GGCX: variants seen among roughly 807,000 people sequenced by gnomAD.
GGCX encodes the protein gamma-glutamyl carboxylase.
A neutral mutation model predicts 88.5 loss-of-function variants in GGCX; 63 were observed. That is an observed-to-expected ratio of 0.71 (90% CI 0.58 to 0.88). GGCX has a LOEUF of 0.88. Among genes scored for constraint, GGCX ranks in the 40% least tolerant of loss-of-function variants. The pLI is 0.00. For synonymous variants in GGCX, 368 were observed against 365.8 expected (o/e 1.01, Z -0.07); for missense variants, 805 against 932.9 (o/e 0.86, Z 1.79).
At chr2:85,555,310 G>C in intron 6 of GGCX, 174 bp downstream of exon 6, 1 of 592,038 alleles carries the variant, frequency 1.7e-6, no homozygotes, top group Non-Finnish European at 3.1e-6. Flanking sequence ...GAGCAGCTAG[G>C]GCTCAATCTT....
intron 2 of GGCX, among the ~76,000 whole-genome samples, chr2:85,559,815 C>T (rs1205321476): frequency 2.0e-5 from 3 of 152,102 alleles, no homozygotes; most frequent in Non-Finnish European, 4.4e-5. Context: ...TCGTCAACAC[C>T]CTGGGAATAA....
chr2:85,555,847 G>A (rs1236723920), intron 5 of GGCX, among the ~76,000 whole-genome samples: 1 of 152,096 alleles, frequency 6.6e-6, no homozygotes, highest in Non-Finnish European at 1.5e-5. Flanking sequence ...TCAGAAATTC[G>A]CCTCATCCAA....
At chr2:85,554,410 G>A in intron 6 of GGCX, 104 bp from the exon 7 acceptor site, 1 of 961,666 alleles carries the variant, frequency 1.0e-6, no homozygotes, top group Non-Finnish European at 1.7e-6. Flanking sequence ...CTGGGTAGAT[G>A]CCTAAGGTAC....
rs1254143779 is a variant in GGCX, at chr2:85,549,147, T to C, written c.*787A>G. On this transcript the variant is annotated 3_prime_UTR_variant, in exon 15 of 15. Coordinates refer to ENST00000233838, the MANE Select transcript of GGCX (RefSeq NM_000821.7). The stretch of plus-strand genomic sequence containing the variant: ...TCAGATTATCAGTGATTCTGAAAAT[T>C]ACAAGTGGCAGGGTGCAGGACCTTA... 6.6e-6 allele frequency: 1 copy of C among 152,222 alleles called. No homozygotes were observed. Among genetic ancestry groups the C allele is most frequent in the Non-Finnish European group, 1.5e-5 (1 of 68,044 alleles). 9.4% of individuals were successfully genotyped at this position (152,222 alleles called of 1,614,324 possible). A position where few individuals can be genotyped will look rare whatever the true frequency, so the allele number is the denominator to read the frequency against.
chr2:85,549,881 G>T lies in GGCX; in HGVS notation c.*53C>A. The T allele has an allele frequency of 4.9e-5, 52 of 1,060,182 alleles. No homozygotes were observed. The highest frequency in any genetic ancestry group is 6.3e-5 in the Non-Finnish European group (44 of 694,150). The allele number at this position is 1,060,182 out of a possible 1,614,324, so 65.7% of individuals were successfully genotyped here. A position where few individuals can be genotyped will look rare whatever the true frequency, so the allele number is the denominator to read the frequency against. ...TTTTCAAATAAATGTCCATTGCATA[G>T]AATGGGTCTGTGACTGGCTGCTTCT... On this transcript the variant is annotated 3_prime_UTR_variant, in exon 15 of 15. Transcript: ENST00000233838.
At chr2:85,560,631 AC>A (rs1692399921) in intron 2 of GGCX, among the ~76,000 whole-genome samples, 183 bp downstream of exon 2, 2 of 151,832 alleles carry the variant, frequency 1.3e-5, no homozygotes, top group Non-Finnish European at 2.9e-5. Context: ...ATTTCTGGCC[AC>A]CAAGTAAATC....
chr2:85,550,872 C>A, intron 13 of GGCX, 53 bp downstream of exon 13: 4 of 1,601,804 alleles, frequency 2.5e-6, no homozygotes, highest in Non-Finnish European at 3.4e-6. Flanking sequence ...TCATTCATAA[C>A]CCTGACTTCT....
rs1258359510 is a variant in GGCX, at chr2:85,546,377, C to T, written c.*3557G>A. 1.3e-5 allele frequency: 2 copies of T among 151,610 alleles called. No individual in the cohort carries two copies. The highest frequency in any genetic ancestry group is 2.1e-4 in the South Asian group (1 of 4,806). The allele number at this position is 151,610 out of a possible 1,614,324, so 9.4% of individuals were successfully genotyped here. ...GGTGGAGCTTGCAGTGAGCTGAAAT[C>T]GTGCCACCACACTCCGGCCAGGGTA... On this transcript the variant is annotated 3_prime_UTR_variant, in exon 15 of 15. Coordinates refer to ENST00000233838, the MANE Select transcript of GGCX (RefSeq NM_000821.7).
rs529258659 is a variant in GGCX, at chr2:85,547,959, G to A, written c.*1975C>T. 6.6e-6 allele frequency: 1 copy of A among 152,382 alleles called. No homozygotes were observed. The highest frequency in any genetic ancestry group is 2.1e-4 in the South Asian group (1 of 4,828). The allele number at this position is 152,382 out of a possible 1,614,324, so 9.4% of individuals were successfully genotyped here. On this transcript the variant is annotated 3_prime_UTR_variant, in exon 15 of 15. Coordinates refer to ENST00000233838, the MANE Select transcript of GGCX (RefSeq NM_000821.7). ...CACACCTGTAATCCCAGCCCTTTGG[G>A]AGGCCAAGGCAGGTGGATACTTAAG...
intron 2 of GGCX, among the ~76,000 whole-genome samples, 184 bp from the exon 3 acceptor site, chr2:85,559,259 T>C (rs1218663651): frequency 6.6e-6 from 1 of 152,212 alleles, no homozygotes; most frequent in African/African-American, 2.4e-5. Flanking sequence ...TTGTGCCATC[T>C]AGAACAGCCC....
chr2:85,552,863 T>G, intron 9 of GGCX, 76 bp downstream of exon 9: 1 of 1,498,070 alleles, frequency 6.7e-7, no homozygotes, highest in Non-Finnish European at 9.3e-7. Context: ...CTTTATGGTG[T>G]GTGTAAGACA....
At position 85,552,509 on chromosome 2, in the gene GGCX, G is replaced by A; in HGVS notation, c.1346C>T (p.Thr449Ile). ...CTTGGGAAGCAGGCGGCTCAGGCAA[G>A]TGGCATATTGCTTCAGCATGTCTGC... ...DHADMLKQYA[T>I]CLSRLLPKYN... The change falls in exon 10 of 15, where the codon ACT becomes ATT. Residue 449 changes from threonine (T) to isoleucine (I), a missense_variant. Physicochemically the swap from Thr to Ile is moderately conservative, Grantham distance 89 (BLOSUM62 -1). This residue lies in a region of GGCX where 680 missense variants were observed against 763.7 expected (regional missense o/e 0.89). Transcript: ENST00000233838. 3.7e-6 allele frequency: 6 copies of A among 1,613,718 alleles called. No individual in the cohort carries two copies. The highest frequency in any genetic ancestry group is 5.1e-6 in the Non-Finnish European group (6 of 1,179,650).
chr2:85,546,975 T>C lies in GGCX; in HGVS notation c.*2959A>G, dbSNP rs183417458. ...CAAAAGTAACCGCTTTAAGGTTATG[T>C]TCAGTATTTGCTAAGTAAACAAAGA... is the stretch of plus-strand genomic sequence containing the variant. On this transcript the variant is annotated 3_prime_UTR_variant, in exon 15 of 15. Transcript: ENST00000233838. 6.6e-6 allele frequency: 1 copy of C among 152,332 alleles called. No individual in the cohort carries two copies. The highest frequency in any genetic ancestry group is 6.5e-5 in the Admixed American group (1 of 15,310). 9.4% of individuals were successfully genotyped at this position (152,332 alleles called of 1,614,324 possible). A position where few individuals can be genotyped will look rare whatever the true frequency, so the allele number is the denominator to read the frequency against.
At chr2:85,550,527 G>A in intron 14 of GGCX, 28 bp downstream of exon 14, 1 of 1,547,910 alleles carries the variant, frequency 6.5e-7, no homozygotes, top group Middle Eastern at 1.7e-4. Context: ...ACATATGATG[G>A]CAATGACAAA....
chr2:85,560,012 A>G (rs907960483), intron 2 of GGCX, among the ~76,000 whole-genome samples: 2 of 152,182 alleles, frequency 1.3e-5, no homozygotes, highest in Non-Finnish European at 1.5e-5. Flanking sequence ...TCCTCCCCCA[A>G]GTTGTGACAA....
chr2:85,550,212 C>A, intron 14 of GGCX, 86 bp from the exon 15 acceptor site: 1 of 943,674 alleles, frequency 1.1e-6, no homozygotes, highest in East Asian at 2.5e-5. Flanking sequence ...GCACCTGGTC[C>A]TCACTCCTCC....
At position 85,547,932 on chromosome 2, in the gene GGCX, C is replaced by G. The variant is rs562377981; in HGVS notation, c.*2002G>C. The G allele has an allele frequency of 1.3e-5, 2 of 152,406 alleles. No individual in the cohort carries two copies. The highest frequency in any genetic ancestry group is 3.9e-4 in the East Asian group (2 of 5,184). The allele number at this position is 152,406 out of a possible 1,614,324, so 9.4% of individuals were successfully genotyped here. On this transcript the variant is annotated 3_prime_UTR_variant, in exon 15 of 15. Transcript: ENST00000233838. ...AAACAGATTTGGCTGGGCACGGTGG[C>G]TCACACCTGTAATCCCAGCCCTTTG...
intron 12 of GGCX, among the ~76,000 whole-genome samples, 194 bp from the exon 13 acceptor site, chr2:85,551,266 C>T (rs1343521822): frequency 2.0e-5 from 3 of 152,182 alleles, no homozygotes; most frequent in Non-Finnish European, 4.4e-5. Context: ...TGCATTACTG[C>T]TATGGTAAAA....
intron 2 of GGCX, 38 bp downstream of exon 2, chr2:85,560,777 T>C (rs759585026): frequency 1.9e-6 from 3 of 1,545,286 alleles, no homozygotes; most frequent in Non-Finnish European, 1.8e-6. Context: ...CATTCTCCAC[T>C]CTCAACCAAA....
Sources: gnomAD v4.1 joint callset for allele counts (sites outside exome capture counted in the v4.1 genomes callset) on GRCh38, gnomAD v4.1.1 for gene constraint, gnomAD v4.1.1 regional missense constraint, MANE v1.5 for transcripts, NCBI Gene and HGNC (gene_info 2026-07-23, HGNC 2026-07-21) for gene names.